CCDC60: variants seen among roughly 807,000 people sequenced by gnomAD.
The protein encoded by CCDC60 is coiled-coil domain containing 60.
A neutral mutation model predicts 63.5 loss-of-function variants in CCDC60; 54 were observed. The ratio of observed to expected loss-of-function variants is 0.85; its 90% confidence interval spans 0.68 to 1.07. The LOEUF (loss-of-function observed/expected upper bound fraction) is 1.07. Among genes scored for constraint, CCDC60 ranks in the 50% least tolerant of loss-of-function variants. The pLI is 0.00. For missense variants in CCDC60, 651 were observed against 684.3 expected (o/e 0.95, Z 0.54); for synonymous variants, 206 against 238.8 (o/e 0.86, Z 1.27).
intron 2 of CCDC60, among the ~76,000 whole-genome samples, chr12:119,463,004 C>T (rs509191): frequency 0.22 from 33,713 of 151,666 alleles, 3,775 homozygotes; most frequent in Admixed American, 0.28. Flanking sequence ...TTGTATTTTT[C>T]GTAGAGACAG....
At chr12:119,340,813 C>T (rs1340695239) in intron 1 of CCDC60, among the ~76,000 whole-genome samples, 1 of 152,120 alleles carries the variant, frequency 6.6e-6, no homozygotes, top group South Asian at 2.1e-4. Flanking sequence ...GTGACGTCAG[C>T]GCTCAGTGAT....
rs546616174 is a variant in CCDC60, at chr12:119,481,030, A to G, written c.449+1829A>G. Among the ~76,000 whole-genome samples, 79 of 151,012 alleles carry G rather than the reference A, an allele frequency of 5.2e-4. 1 individual carries two copies. In the South Asian group the frequency reaches 0.016, roughly 31 times the overall value. On this transcript the variant is annotated intron_variant, in intron 4 of 13. Coordinates refer to ENST00000327554, the MANE Select transcript of CCDC60 (RefSeq NM_178499.5). ...CATCACCATCGTCCTCACCACCATC[A>G]TCATCATCACCATCATCCTCACCAC...
intron 11 of CCDC60, among the ~76,000 whole-genome samples, chr12:119,527,843 ATTT>A (rs544729532): frequency 6.7e-6 from 1 of 149,038 alleles, no homozygotes; most frequent in African/African-American, 2.5e-5. Flanking sequence ...CGCCCGGCTA[ATTT>A]TTTTTTGTAT....
intron 7 of CCDC60, among the ~76,000 whole-genome samples, chr12:119,514,603 T>G (rs1952304638): frequency 6.6e-6 from 1 of 152,220 alleles, no homozygotes; most frequent in African/African-American, 2.4e-5. Context: ...ATGTGTTTGT[T>G]TTATGCTAAG....
chr12:119,532,051 C>T (rs1278087560), intron 13 of CCDC60, among the ~76,000 whole-genome samples: 1 of 152,158 alleles, frequency 6.6e-6, no homozygotes, highest in Non-Finnish European at 1.5e-5. Flanking sequence ...GGCCCTTCCA[C>T]AGAATGACCT....
intron 2 of CCDC60, among the ~76,000 whole-genome samples, chr12:119,452,973 C>T (rs566257388): frequency 1.3e-5 from 2 of 152,270 alleles, no homozygotes; most frequent in South Asian, 2.1e-4. Context: ...CAGGCACGCA[C>T]CACCATGCCC....
At chr12:119,416,582 GA>G (rs751177711) in intron 1 of CCDC60, among the ~76,000 whole-genome samples, 1 of 152,078 alleles carries the variant, frequency 6.6e-6, no homozygotes, top group African/African-American at 2.4e-5. Flanking sequence ...TTAGGAAGGG[GA>G]AAAAAATCCC....
At position 119,441,607 on chromosome 12, in the gene CCDC60, C is replaced by T. The variant is rs1950447502; in HGVS notation, c.170+12845C>T. On this transcript the variant is annotated intron_variant, in intron 2 of 13. Transcript: ENST00000327554. ...TGACTTCTAACATTTAGATTTGTTC[C>T]TCTTGTCTTGAGCTTTAAATCAATG... is the stretch of plus-strand genomic sequence containing the variant. Among the ~76,000 whole-genome samples the T allele has an allele frequency of 2.6e-5, 4 of 152,180 alleles. No individual in the cohort carries two copies. The South Asian group carries it at 8.3e-4, about 31-fold the overall frequency.
chr12:119,421,966 G>A (rs896930337), intron 1 of CCDC60, among the ~76,000 whole-genome samples: 10 of 152,150 alleles, frequency 6.6e-5, no homozygotes, highest in Non-Finnish European at 1.2e-4. Context: ...GTCCATGCGT[G>A]CTCCATCCCT....
intron 1 of CCDC60, among the ~76,000 whole-genome samples, chr12:119,411,857 T>C (rs187590104): frequency 4.6e-4 from 70 of 152,204 alleles, no homozygotes; most frequent in Middle Eastern, 3.4e-3. Context: ...AAGTTTTGTG[T>C]TCAGCACAGT....
intron 2 of CCDC60, among the ~76,000 whole-genome samples, chr12:119,449,671 G>A (rs972527399): frequency 1.3e-5 from 2 of 152,204 alleles, no homozygotes; most frequent in Non-Finnish European, 2.9e-5. Flanking sequence ...GAGGACGCAG[G>A]AAAGACTGAG....
intron 5 of CCDC60, among the ~76,000 whole-genome samples, chr12:119,492,079 C>G (rs1286176927): frequency 2.6e-5 from 4 of 152,136 alleles, no homozygotes; most frequent in African/African-American, 9.7e-5. Context: ...AAAATCAGAA[C>G]CTGAACCAGA....
chr12:119,500,041 T>C, intron 5 of CCDC60, 37 bp from the exon 6 acceptor site: 1 of 1,394,318 alleles, frequency 7.2e-7, no homozygotes, highest in Non-Finnish European at 1.0e-6. Flanking sequence ...ACCAAGACTC[T>C]GGAAACGGAA....
intron 7 of CCDC60, among the ~76,000 whole-genome samples, chr12:119,508,748 C>CAG: frequency 1.3e-5 from 2 of 152,138 alleles, no homozygotes; most frequent in Non-Finnish European, 2.9e-5. Flanking sequence ...GAGGAAGTAT[C>CAG]TGGAAAGTTT....
At chr12:119,374,317 G>A (rs1010490186) in intron 1 of CCDC60, among the ~76,000 whole-genome samples, 2 of 152,164 alleles carry the variant, frequency 1.3e-5, no homozygotes, top group Non-Finnish European at 2.9e-5. Flanking sequence ...TGGCAGCCAT[G>A]AAGAAATTAC....
chr12:119,529,524 G>T (rs1370995678), intron 12 of CCDC60, among the ~76,000 whole-genome samples: 1 of 152,144 alleles, frequency 6.6e-6, no homozygotes, highest in Admixed American at 6.5e-5. Flanking sequence ...AGATTTAAGA[G>T]TAAGATGAGA....
chr12:119,442,049 A>G (rs1158331803), intron 2 of CCDC60, among the ~76,000 whole-genome samples: 1 of 152,218 alleles, frequency 6.6e-6, no homozygotes, highest in Non-Finnish European at 1.5e-5. Context: ...ATTAATATGT[A>G]TACATAAGTA....
At chr12:119,496,314 A>G (rs1465923728) in intron 5 of CCDC60, among the ~76,000 whole-genome samples, 2 of 152,250 alleles carry the variant, frequency 1.3e-5, no homozygotes, top group Non-Finnish European at 1.5e-5. Flanking sequence ...CTGAATTGCC[A>G]CTGTGGATAG....
chr12:119,441,854 C>T (rs1202849740), intron 2 of CCDC60, among the ~76,000 whole-genome samples: 1 of 152,074 alleles, frequency 6.6e-6, no homozygotes, highest in Admixed American at 6.6e-5. Context: ...TATGAACACT[C>T]TTATACTTTT....
Sources: allele counts gnomAD v4.1 joint callset (sites outside exome capture counted in the v4.1 genomes callset), GRCh38; gene constraint gnomAD v4.1.1; transcripts MANE v1.5; gene names NCBI Gene and HGNC (gene_info 2026-07-23, HGNC 2026-07-21).